Variants in BANK1 observed in about 807,000 individuals in gnomAD.
The protein encoded by BANK1 is B-cell scaffold protein with ankyrin repeats.
BANK1 carries 95 observed loss-of-function variants against 94.5 expected under a neutral mutation model. The ratio of observed to expected loss-of-function variants is 1.00; its 90% CI spans 0.85 to 1.19. BANK1 has a LOEUF of 1.19. Ranked by LOEUF, BANK1 falls within the 50% of genes most tolerant of loss-of-function variation. The pLI is 0.00. For missense variants in BANK1, 987 were observed against 932.2 expected (o/e 1.06, Z -0.77); for synonymous variants, 334 against 308.4 (o/e 1.08, Z -0.87).
intron 7 of BANK1, among the ~76,000 whole-genome samples, chr4:101,962,165 A>G (rs552299721): frequency 2.0e-5 from 3 of 152,104 alleles, no homozygotes; most frequent in Non-Finnish European, 2.9e-5. Flanking sequence ...CAATAACTCT[A>G]TGTCAATCAC....
At chr4:101,930,617 T>A (rs748714510) in intron 7 of BANK1, among the ~76,000 whole-genome samples, 26 of 151,612 alleles carry the variant, frequency 1.7e-4, no homozygotes, top group Non-Finnish European at 3.3e-4. Context: ...AATTTTATAG[T>A]ACTTGCTATG....
chr4:101,838,837 C>T (rs1240478838), intron 2 of BANK1, among the ~76,000 whole-genome samples: 2 of 152,194 alleles, frequency 1.3e-5, no homozygotes, highest in Non-Finnish European at 2.9e-5. Flanking sequence ...AAGACAGACA[C>T]TTTAAACTTT....
At position 101,867,953 on chromosome 4, in the gene BANK1, T is replaced by C. The variant is rs1220583699; in HGVS notation, c.764-2552T>C. Among the ~76,000 whole-genome samples, 5 of 151,802 alleles carry C rather than the reference T, an allele frequency of 3.3e-5. No individual in the cohort carries two copies. In the East Asian group the frequency reaches 9.7e-4, roughly 29 times the overall value. ...GAGAGATATAACCCAACCACGTTAG[T>C]GAAGCCAAGTAAGAACTACTTAAGT... On this transcript the variant is annotated intron_variant, in intron 4 of 16. Transcript: ENST00000322953.
In BANK1 at chr4:101,897,897, G is replaced by C. The variant is rs191990921; in HGVS notation, c.1009+2487G>C. Among the ~76,000 whole-genome samples the C allele has an allele frequency of 7.1e-4, 107 of 151,376 alleles. 1 individual carries two copies. The highest frequency in any genetic ancestry group is 2.4e-3 in the African/African-American group (101 of 41,258). The stretch of plus-strand genomic sequence containing the variant: ...AAAAATATTACCCTCTCTTAACAAA[G>C]GTTATAAAGATAGTAGTATATGAAA... On this transcript the variant is annotated intron_variant, in intron 6 of 16. Transcript: ENST00000322953.
intron 1 of BANK1, among the ~76,000 whole-genome samples, chr4:101,811,004 A>T (rs1470151724): frequency 6.6e-6 from 1 of 152,144 alleles, no homozygotes; most frequent in Non-Finnish European, 1.5e-5. Flanking sequence ...CGAATGAGGG[A>T]TCAGTATCTC....
At chr4:101,983,197 GA>G (rs1191366550) in intron 7 of BANK1, among the ~76,000 whole-genome samples, 2 of 151,988 alleles carry the variant, frequency 1.3e-5, no homozygotes, top group East Asian at 3.8e-4. Flanking sequence ...TGGATAAAAT[GA>G]AGTTAATATT....
intron 1 of BANK1, among the ~76,000 whole-genome samples, chr4:101,819,692 T>A (rs890649136): frequency 1.3e-5 from 2 of 152,184 alleles, no homozygotes; most frequent in African/African-American, 4.8e-5. Flanking sequence ...TCCATCGACA[T>A]CAAAAGTTCA....
intron 7 of BANK1, among the ~76,000 whole-genome samples, chr4:101,978,069 T>A (rs933931960): frequency 2.6e-5 from 4 of 151,968 alleles, no homozygotes; most frequent in African/African-American, 9.7e-5. Flanking sequence ...GTTCAAGCAA[T>A]TCTCCTGCCT....
At chr4:101,947,309 A>ATATATATATATATATATG (rs1176507515) in intron 7 of BANK1, among the ~76,000 whole-genome samples, 3,339 of 67,266 alleles carry the variant, frequency 0.05, 263 homozygotes, top group Non-Finnish European at 0.07. Flanking sequence ...ATATATATAT[A>ATATATATATATATATATG]TATGTATATG....
chr4:101,833,338 T>C (rs893857401), intron 2 of BANK1, among the ~76,000 whole-genome samples: 1 of 152,210 alleles, frequency 6.6e-6, no homozygotes, highest in Non-Finnish European at 1.5e-5. Flanking sequence ...CCAATGGAGA[T>C]AGACAGAGTG....
At chr4:101,917,617 A>G (rs1722869903) in intron 6 of BANK1, among the ~76,000 whole-genome samples, 1 of 151,978 alleles carries the variant, frequency 6.6e-6, no homozygotes, top group South Asian at 2.1e-4. Context: ...ATATAAAATT[A>G]TTTTATAGAT....
intron 4 of BANK1, among the ~76,000 whole-genome samples, chr4:101,869,661 C>T (rs12331849): frequency 0.55 from 83,722 of 151,642 alleles, 24,432 homozygotes; most frequent in African/African-American, 0.75. Context: ...ATTTAATGAC[C>T]TATTCCTAAC....
intron 7 of BANK1, among the ~76,000 whole-genome samples, chr4:102,020,087 G>C (rs1726841304): frequency 1.3e-5 from 2 of 152,000 alleles, no homozygotes; most frequent in Admixed American, 6.6e-5. Context: ...CAGTGATTTT[G>C]AGCTCATAAT....
At chr4:102,024,994 G>A (rs1273959450) in intron 8 of BANK1, among the ~76,000 whole-genome samples, 3 of 152,138 alleles carry the variant, frequency 2.0e-5, no homozygotes, top group African/African-American at 7.2e-5. Context: ...AAGACATAAT[G>A]GAGCTTTGAC....
At chr4:101,822,425 ATTTAT>A (rs1255649414) in intron 1 of BANK1, among the ~76,000 whole-genome samples, 2 of 152,040 alleles carry the variant, frequency 1.3e-5, no homozygotes, top group Non-Finnish European at 1.5e-5. Flanking sequence ...GATTCTGACA[ATTTAT>A]TTTATTATTC....
At chr4:101,920,137 C>T (rs953879692) in intron 7 of BANK1, among the ~76,000 whole-genome samples, 8 of 151,808 alleles carry the variant, frequency 5.3e-5, no homozygotes, top group East Asian at 1.9e-4. Flanking sequence ...AACCAAACAC[C>T]GCATGTTCTC....
chr4:101,846,095 T>A (rs1727232619), intron 2 of BANK1, among the ~76,000 whole-genome samples: 2 of 149,652 alleles, frequency 1.3e-5, no homozygotes, highest in South Asian at 4.4e-4. Context: ...AATTCCCACC[T>A]ATGAGTGAGA....
At chr4:102,073,530 C>G (rs183962720) in intron 15 of BANK1, among the ~76,000 whole-genome samples, 154 bp from the exon 16 acceptor site, 2 of 152,072 alleles carry the variant, frequency 1.3e-5, no homozygotes, top group Admixed American at 1.3e-4. Flanking sequence ...ATTCTGTTTC[C>G]TTTTAAAATG....
intron 14 of BANK1, among the ~76,000 whole-genome samples, 168 bp downstream of exon 14, chr4:102,071,472 G>A (rs554240281): frequency 3.3e-5 from 5 of 152,196 alleles, no homozygotes; most frequent in South Asian, 4.2e-4. Flanking sequence ...AACGTGAAGC[G>A]ACTATAAAAT....
Sources: allele counts gnomAD v4.1 joint callset (sites outside exome capture counted in the v4.1 genomes callset), GRCh38; gene constraint gnomAD v4.1.1; transcripts MANE v1.5; gene names NCBI Gene and HGNC (gene_info 2026-07-23, HGNC 2026-07-21).